The following RASGEF1C variants were observed in gnomAD, a reference collection of about 807,000 sequenced individuals.
RASGEF1C encodes the protein ras-GEF domain-containing family member 1C.
RASGEF1C carries 27 observed loss-of-function variants against 58.1 expected under a neutral mutation model. The ratio of observed to expected loss-of-function variants is 0.46; its 90% CI spans 0.34 to 0.64. The LOEUF is 0.64. RASGEF1C is among the 30% of genes least tolerant of loss of function. The pLI, the probability that RASGEF1C is intolerant of heterozygous loss-of-function variation, is 0.01. For missense variants in RASGEF1C, 502 were observed against 605.1 expected, an observed-to-expected ratio of 0.83 and a Z score of 1.79; for synonymous variants, 243 against 246.3, an observed-to-expected ratio of 0.99 and a Z score of 0.13.
chr5:180,207,327 A>G (rs1756506190), intron 1 of RASGEF1C, among the ~76,000 whole-genome samples: 1 of 152,252 alleles, frequency 6.6e-6, no homozygotes, highest in South Asian at 2.1e-4. Flanking sequence ...ATTAATTTTT[A>G]GTAAAAAAGG....
At chr5:180,115,975 G>A (rs1344415057) in intron 10 of RASGEF1C, among the ~76,000 whole-genome samples, 1 of 152,056 alleles carries the variant, frequency 6.6e-6, no homozygotes, top group Non-Finnish European at 1.5e-5. Context: ...ACAGGGAGAC[G>A]CACCAAGACA....
At chr5:180,201,015 T>C in intron 1 of RASGEF1C, among the ~76,000 whole-genome samples, 1 of 152,154 alleles carries the variant, frequency 6.6e-6, no homozygotes. Flanking sequence ...GGAGGATCAC[T>C]TGAGCCCAGG....
chr5:180,194,852 C>A (rs567630654), intron 1 of RASGEF1C, among the ~76,000 whole-genome samples: 1 of 152,224 alleles, frequency 6.6e-6, no homozygotes, highest in Non-Finnish European at 1.5e-5. Flanking sequence ...GTGGCCAGGG[C>A]GGTGGAGCGT....
At chr5:180,104,438 G>T (rs1232442392) in intron 12 of RASGEF1C, among the ~76,000 whole-genome samples, 1 of 152,194 alleles carries the variant, frequency 6.6e-6, no homozygotes, top group African/African-American at 2.4e-5. Context: ...GAAGCAGAGA[G>T]CAGCCCTCAC....
intron 1 of RASGEF1C, among the ~76,000 whole-genome samples, chr5:180,205,399 T>C (rs1756470017): frequency 1.3e-5 from 2 of 152,112 alleles, no homozygotes; most frequent in Admixed American, 6.5e-5. Context: ...AAAACATATA[T>C]GAGGAAAATT....
In RASGEF1C at chr5:180,197,300, G is replaced by A. The variant is rs577429100; in HGVS notation, c.-7+11728C>T. Among the ~76,000 whole-genome samples the A allele has an allele frequency of 2.6e-5, 4 of 152,224 alleles. No individual in the cohort carries two copies. The highest frequency in any genetic ancestry group is 9.7e-5 in the African/African-American group (4 of 41,446). On this transcript the variant is annotated intron_variant, in intron 1 of 13. Coordinates refer to ENST00000361132, the MANE Select transcript of RASGEF1C (RefSeq NM_175062.4). This position sits in a 1 kb window ranked among gnomAD's most constrained non-coding sequence, Gnocchi z 4.7. ...GGGAGCCCGAACCCTGGGACGGCAG[G>A]GGGAAGCAATGGCGGGATCCAGGGT...
At chr5:180,169,663 A>C (rs1767072504) in intron 1 of RASGEF1C, among the ~76,000 whole-genome samples, 1 of 152,066 alleles carries the variant, frequency 6.6e-6, no homozygotes, top group Non-Finnish European at 1.5e-5. Context: ...GATCATGAGC[A>C]TGGAGAGGCT....
intron 6 of RASGEF1C, among the ~76,000 whole-genome samples, chr5:180,123,025 T>TAA (rs917416875): frequency 6.6e-6 from 1 of 151,454 alleles, no homozygotes; most frequent in South Asian, 2.1e-4. Context: ...AGGATATAAG[T>TAA]AAAAAAAAGA....
chr5:180,169,580 C>T (rs1460108101), intron 1 of RASGEF1C, among the ~76,000 whole-genome samples: 2 of 60,392 alleles, frequency 3.3e-5, no homozygotes, highest in Non-Finnish European at 6.1e-5. Flanking sequence ...GGAGAGGGGG[C>T]TGGGGGACGT....
At chr5:180,192,708 C>G (rs901141541) in intron 1 of RASGEF1C, among the ~76,000 whole-genome samples, 1 of 151,538 alleles carries the variant, frequency 6.6e-6, no homozygotes, top group Non-Finnish European at 1.5e-5. Flanking sequence ...GTTGGATATA[C>G]TGGGTTAAAT....
At chr5:180,138,599 T>A (rs1359973458) in intron 1 of RASGEF1C, among the ~76,000 whole-genome samples, 1 of 152,208 alleles carries the variant, frequency 6.6e-6, no homozygotes, top group Non-Finnish European at 1.5e-5. Flanking sequence ...ACAGTGTCGC[T>A]GTGCTGAGCA....
At chr5:180,181,201 G>C (rs1767317886) in intron 1 of RASGEF1C, among the ~76,000 whole-genome samples, 1 of 152,172 alleles carries the variant, frequency 6.6e-6, no homozygotes, top group Non-Finnish European at 1.5e-5. Flanking sequence ...CCGGGATCAG[G>C]GACAAAGGAA....
chr5:180,191,830 A>G (rs930514799), intron 1 of RASGEF1C, among the ~76,000 whole-genome samples: 1 of 152,216 alleles, frequency 6.6e-6, no homozygotes, highest in African/African-American at 2.4e-5. Context: ...ATTCTGGAAC[A>G]TGCTTGTTGG....
rs1310273506 is a variant in RASGEF1C at position 180,180,168 on chromosome 5, C to CCT, written c.-7+28858_-7+28859dup. On this transcript the variant is annotated intron_variant, in intron 1 of 13. Transcript: ENST00000361132. ...CACAAAAAGGCAGCGGGCACAGCTG[C>CCT]CTCTCTCTCCAGCCACTCTCAGTCT... is the stretch of plus-strand genomic sequence containing the variant. Among the ~76,000 whole-genome samples, 7 of 152,282 alleles carry CCT rather than the reference C, an allele frequency of 4.6e-5. No individual in the cohort carries two copies. In the East Asian group the frequency reaches 1.4e-3, roughly 29 times the overall value.
At chr5:180,132,514 C>T (rs1766388030) in intron 4 of RASGEF1C, among the ~76,000 whole-genome samples, 1 of 152,250 alleles carries the variant, frequency 6.6e-6, no homozygotes. Flanking sequence ...TACTGAATAA[C>T]AGGCAGAGGT....
At chr5:180,128,732 G>A (rs1242535164) in intron 4 of RASGEF1C, 122 bp from the exon 5 acceptor site, 63 of 1,007,938 alleles carry the variant, frequency 6.3e-5, no homozygotes, top group Non-Finnish European at 5.9e-6. Context: ...CTGGAGAAAA[G>A]GCCAGGTACC....
intron 1 of RASGEF1C, among the ~76,000 whole-genome samples, chr5:180,161,811 C>T (rs372605677): frequency 6.6e-6 from 1 of 152,216 alleles, no homozygotes; most frequent in African/African-American, 2.4e-5. Flanking sequence ...GACCCACCTG[C>T]GGGAGGGGCG....
intron 4 of RASGEF1C, 24 bp downstream of exon 4, chr5:180,136,354 C>T (rs772520364): frequency 6.5e-7 from 1 of 1,544,900 alleles, no homozygotes; most frequent in Non-Finnish European, 8.7e-7. Context: ...CCCAGGGTGA[C>T]GCGACCCCCG....
At chr5:180,136,553 G>A (rs749567253) in intron 3 of RASGEF1C, 38 bp from the exon 4 acceptor site, 4 of 1,544,784 alleles carry the variant, frequency 2.6e-6, no homozygotes, top group East Asian at 2.4e-5. Context: ...CGTGAGGGGC[G>A]CCGGGTGGGC....
Sources: allele counts gnomAD v4.1 joint callset (sites outside exome capture counted in the v4.1 genomes callset), GRCh38; gene constraint gnomAD v4.1.1; non-coding constraint Gnocchi (gnomAD v3.1); transcripts MANE v1.5; gene names NCBI Gene and HGNC (gene_info 2026-07-23, HGNC 2026-07-21).